The following STAT4 variants were observed in gnomAD, a reference collection of about 807,000 sequenced individuals.
STAT4 encodes signal transducer and activator of transcription 4.
STAT4 carries 42 observed loss-of-function variants against 110.5 expected under a neutral mutation model. The observed-to-expected ratio is 0.38, with a 90% CI of 0.30 to 0.49. STAT4 has a LOEUF of 0.49. Among genes scored for constraint, STAT4 ranks in the 20% least tolerant of loss-of-function variants. STAT4 has a pLI of 0.95. For synonymous variants in STAT4, 284 were observed against 302.2 expected, an observed-to-expected ratio of 0.94 and a Z score of 0.63; for missense variants, 632 against 887.9, an observed-to-expected ratio of 0.71 and a Z score of 3.66.
intron 3 of STAT4, among the ~76,000 whole-genome samples, chr2:191,136,476 G>T (rs188140109): frequency 2.0e-5 from 3 of 152,324 alleles, no homozygotes; most frequent in East Asian, 3.9e-4. Context: ...TCTTGGCCAG[G>T]AGCTGTGGCT....
intron 3 of STAT4, among the ~76,000 whole-genome samples, chr2:191,129,101 T>C (rs1185196615): frequency 1.3e-5 from 2 of 152,148 alleles, no homozygotes; most frequent in East Asian, 3.8e-4. Context: ...CTTTAAATAT[T>C]TGCTGACTAA....
chr2:191,064,597 A>G (rs568309190), intron 8 of STAT4, among the ~76,000 whole-genome samples: 1 of 152,360 alleles, frequency 6.6e-6, no homozygotes, highest in East Asian at 1.9e-4. Flanking sequence ...TAAGCATTCA[A>G]TGGACGCTTT....
At chr2:191,109,607 C>A (rs994634141) in intron 3 of STAT4, among the ~76,000 whole-genome samples, 1 of 152,160 alleles carries the variant, frequency 6.6e-6, no homozygotes, top group Non-Finnish European at 1.5e-5. Flanking sequence ...GGAACTCAAA[C>A]CAGGTCAAAG....
Position 191,124,908 on chromosome 2 carries a change from G to A in STAT4, c.273+21705C>T, listed in dbSNP as rs185149327. ...CACTATGACAATAATGTTCAAACAG[G>A]TCTCCATGCCTCCAGTTGCACCACT... On this transcript the variant is annotated intron_variant, in intron 3 of 23. Transcript: ENST00000392320. Among the ~76,000 whole-genome samples the A allele has an allele frequency of 5.9e-5, 9 of 152,172 alleles. No homozygotes were observed. The South Asian group carries it at 1.7e-3, about 28-fold the overall frequency.
chr2:191,131,729 T>C (rs1699041938), intron 3 of STAT4: 2 of 1,231,064 alleles, frequency 1.6e-6, no homozygotes, highest in Admixed American at 8.4e-5. Context: ...TCCGATGTTT[T>C]GTATTAGAAG....
chr2:191,151,490 A>G, upstream of STAT4: 1 of 985,548 alleles, frequency 1.0e-6, no homozygotes, highest in Non-Finnish European at 1.2e-6. This position sits in a 1 kb window ranked among gnomAD's most constrained non-coding sequence, Gnocchi z 4.7. Context: ...GCTCACTCCG[A>G]CGAGGGTGAC....
rs959431946 is a variant in STAT4 at position 191,135,559 on chromosome 2, C to T, written c.273+11054G>A. Among the ~76,000 whole-genome samples, 22 of 152,210 alleles carry T rather than the reference C, an allele frequency of 1.4e-4. No individual in the cohort carries two copies. The highest frequency in any genetic ancestry group is 7.9e-4 in the Admixed American group (12 of 15,284). ...CGTGATCTCAGCTCACTGCAACCTCCGCCTCCCAGGCTCAAGTGATTCTCC... is the reference window on the plus strand; with the variant it reads ...CGTGATCTCAGCTCACTGCAACCTCTGCCTCCCAGGCTCAAGTGATTCTCC... On this transcript the variant is annotated intron_variant, in intron 3 of 23. Transcript: ENST00000392320. The surrounding 1 kb of genome is among the most constrained non-coding windows in gnomAD (Gnocchi z 4.8).
intron 3 of STAT4, among the ~76,000 whole-genome samples, chr2:191,081,175 C>T (rs987965756): frequency 9.2e-5 from 14 of 152,178 alleles, no homozygotes; most frequent in Non-Finnish European, 1.2e-4. Flanking sequence ...ATGAACTCAT[C>T]CTTTTTTATG....
chr2:191,065,963 G>T (rs907392684), intron 7 of STAT4, among the ~76,000 whole-genome samples: 1 of 152,138 alleles, frequency 6.6e-6, no homozygotes, highest in Non-Finnish European at 1.5e-5. Flanking sequence ...ATGTTCAGTT[G>T]CCAATGAACT....
intron 3 of STAT4, among the ~76,000 whole-genome samples, chr2:191,121,599 G>C (rs534435912): frequency 1.7e-3 from 254 of 151,484 alleles, no homozygotes; most frequent in African/African-American, 5.7e-3. Flanking sequence ...GCCATAAAAA[G>C]GATGAGTTCA....
At chr2:191,137,761 C>T (rs112474713) in intron 3 of STAT4, among the ~76,000 whole-genome samples, 3 of 152,242 alleles carry the variant, frequency 2.0e-5, no homozygotes, top group African/African-American at 7.2e-5. Flanking sequence ...GGAACCTACA[C>T]TCGGGCAAAA....
chr2:191,106,412 C>A (rs1698282325), intron 3 of STAT4, among the ~76,000 whole-genome samples: 2 of 151,614 alleles, frequency 1.3e-5, no homozygotes, highest in Admixed American at 6.6e-5. Flanking sequence ...GTAATTCCAG[C>A]ACTTTGGAAT....
At chr2:191,121,567 ATACACCATGG>A (rs1354108741) in intron 3 of STAT4, among the ~76,000 whole-genome samples, 1 of 152,180 alleles carries the variant, frequency 6.6e-6, no homozygotes, top group Non-Finnish European at 1.5e-5. Flanking sequence ...TGTGGCACAT[ATACACCATGG>A]AATACTATGC....
In STAT4 at chr2:191,031,912, T is replaced by A. The variant is rs1253062463; in HGVS notation, c.2045-396A>T. The stretch of plus-strand genomic sequence containing the variant: ...ATTGACACCAATCAGAATCTTATGA[T>A]TGCAAACGTTCTTGAAGTACAGATG... On this transcript the variant is annotated intron_variant, in intron 21 of 23. Coordinates refer to ENST00000392320, the MANE Select transcript of STAT4 (RefSeq NM_003151.4). This position sits in a 1 kb window ranked among gnomAD's most constrained non-coding sequence, Gnocchi z 4.8. Among the ~76,000 whole-genome samples, 1 of 152,230 alleles carries A rather than the reference T, an allele frequency of 6.6e-6. No individual in the cohort carries two copies. The highest frequency in any genetic ancestry group is 1.5e-5 in the Non-Finnish European group (1 of 68,034).
rs1226629704 is a variant in STAT4, at chr2:191,035,317, T to C, written c.1571-720A>G. ...AACATGTATTTCCATTAAGTAAATT[T>C]TGTGATGTTTTCCAAAGTCCTAATG... On this transcript the variant is annotated intron_variant, in intron 17 of 23. Coordinates refer to ENST00000392320, the MANE Select transcript of STAT4 (RefSeq NM_003151.4). This position sits in a 1 kb window ranked among gnomAD's most constrained non-coding sequence, Gnocchi z 4.7. Among the ~76,000 whole-genome samples, 1 of 152,204 alleles carries C rather than the reference T, an allele frequency of 6.6e-6. No individual in the cohort carries two copies. The highest frequency in any genetic ancestry group is 1.5e-5 in the Non-Finnish European group (1 of 68,024).
Position 191,144,671 on chromosome 2 carries a change from A to G in STAT4, c.273+1942T>C, listed in dbSNP as rs1017300809. Among the ~76,000 whole-genome samples, 1 of 150,410 alleles carries G rather than the reference A, an allele frequency of 6.6e-6. No individual in the cohort carries two copies. Among genetic ancestry groups the G allele is most frequent in the African/African-American group, 2.4e-5 (1 of 41,422 alleles). On this transcript the variant is annotated intron_variant, in intron 3 of 23. Coordinates refer to ENST00000392320, the MANE Select transcript of STAT4 (RefSeq NM_003151.4). This position sits in a 1 kb window ranked among gnomAD's most constrained non-coding sequence, Gnocchi z 4.7. ...CAAGGTTCGTCTGATACAACTGGCC[A>G]GAGGAGAAGCTTCCCTCACAATCTT...
Position 191,033,378 on chromosome 2 carries a change from A to C in STAT4, c.1852+112T>G. On this transcript the variant is annotated intron_variant, in intron 20 of 23. Transcript: ENST00000392320. This position sits in a 1 kb window ranked among gnomAD's most constrained non-coding sequence, Gnocchi z 6.9. ...ACTGCAACTACTAATATTCAAGCCC[A>C]CTGAATACATCACAGACAGATCAAC... 1.5e-6 allele frequency: 2 copies of C among 1,314,744 alleles called. No homozygotes were observed. The allele number at this position is 1,314,744 out of a possible 1,614,324, so 81.4% of individuals were successfully genotyped here.
chr2:191,063,682 A>G (rs1190381616), intron 8 of STAT4, among the ~76,000 whole-genome samples: 7 of 152,224 alleles, frequency 4.6e-5, no homozygotes, highest in Admixed American at 4.6e-4. Context: ...CTATGGCAAG[A>G]GTGGTTGAAT....
At chr2:191,128,779 G>C (rs969924148) in intron 3 of STAT4, among the ~76,000 whole-genome samples, 13 of 152,310 alleles carry the variant, frequency 8.5e-5, no homozygotes, top group African/African-American at 2.9e-4. Flanking sequence ...TATAGGCAGT[G>C]AGATTACTAA....
Sources: allele counts gnomAD v4.1 joint callset (sites outside exome capture counted in the v4.1 genomes callset), GRCh38; gene constraint gnomAD v4.1.1; non-coding constraint Gnocchi (gnomAD v3.1); transcripts MANE v1.5; gene names NCBI Gene and HGNC (gene_info 2026-07-23, HGNC 2026-07-21).